Variants in ZNF770 observed in about 807,000 individuals in gnomAD.
ZNF770 encodes zinc finger protein 770.
Under a neutral mutation model 44.8 loss-of-function variants are expected in ZNF770, and 13 were observed. The ratio of observed to expected loss-of-function variants is 0.29; its 90% CI spans 0.19 to 0.46. The LOEUF is 0.46. ZNF770 is among the 20% of genes least tolerant of loss of function. The pLI, the probability that ZNF770 is intolerant of heterozygous loss-of-function variation, is 1.00. For synonymous variants in ZNF770, 304 were observed against 271.8 expected (o/e 1.12, Z -1.17); for missense variants, 681 against 797.9 (o/e 0.85, Z 1.77).
At position 34,978,476 on chromosome 15, in the gene ZNF770, A is replaced by G. The variant is rs1391838120; in HGVS notation, c.*2883T>C. On this transcript the variant is annotated 3_prime_UTR_variant, in exon 3 of 3. Coordinates refer to ENST00000356321, the MANE Select transcript of ZNF770 (RefSeq NM_014106.4). Reference sequence around the variant, plus strand: ...CTATTGCAGTACAAAACAAGAAACAATAATTCTAAGTTAGCCAGCCAATCA... The same window carrying G: ...CTATTGCAGTACAAAACAAGAAACAGTAATTCTAAGTTAGCCAGCCAATCA... 1 of 152,190 alleles carries G rather than the reference A, an allele frequency of 6.6e-6. No individual in the cohort carries two copies. The highest frequency in any genetic ancestry group is 2.4e-5 in the African/African-American group (1 of 41,440). The allele number at this position is 152,190 out of a possible 1,614,324, so 9.4% of individuals were successfully genotyped here. A position where few individuals can be genotyped will look rare whatever the true frequency, so the allele number is the denominator to read the frequency against.
chr15:34,986,890 G>A (rs2050438251), intron 2 of ZNF770, among the ~76,000 whole-genome samples: 2 of 152,220 alleles, frequency 1.3e-5, no homozygotes, highest in Non-Finnish European at 2.9e-5. Context: ...CTAGCAGGAG[G>A]GGCAGGGCAA....
rs201667487 is a variant in ZNF770, at chr15:34,983,484, C to A, written c.-50G>T. Reference sequence around the variant, plus strand: ...AGCTCCATACTGTTCTTAAATTCCACAGATGTCTAAAAATTAAAGGAAAAA... The same window carrying A: ...AGCTCCATACTGTTCTTAAATTCCAAAGATGTCTAAAAATTAAAGGAAAAA... On this transcript the variant is annotated 5_prime_UTR_variant, in exon 3 of 3. Coordinates refer to ENST00000356321, the MANE Select transcript of ZNF770 (RefSeq NM_014106.4). The A allele has an allele frequency of 9.1e-6, 12 of 1,322,694 alleles. No homozygotes were observed. The East Asian group carries it at 2.4e-4, about 27-fold the overall frequency. The allele number at this position is 1,322,694 out of a possible 1,614,324, so 81.9% of individuals were successfully genotyped here.
Position 34,986,338 on chromosome 15 carries a change from T to C in ZNF770, c.-57+1219A>G, listed in dbSNP as rs993411698. Among the ~76,000 whole-genome samples, 5 of 152,206 alleles carry C rather than the reference T, an allele frequency of 3.3e-5. 1 individual carries two copies. Among genetic ancestry groups the C allele is most frequent in the Admixed American group, 2.6e-4 (4 of 15,284 alleles). On this transcript the variant is annotated intron_variant, in intron 2 of 2. Coordinates refer to ENST00000356321, the MANE Select transcript of ZNF770 (RefSeq NM_014106.4). ...ATATATCATATAACCCAGATATCAA[T>C]GTTAACCAACAATCAACTCTTGGTG...
chr15:34,986,966 G>A (rs2050438919), intron 2 of ZNF770, among the ~76,000 whole-genome samples: 1 of 152,252 alleles, frequency 6.6e-6, no homozygotes. Context: ...TGGTGTGGGA[G>A]GACAGCTTGG....
In ZNF770 at chr15:34,988,152, G is replaced by C. The variant is rs1039954331; in HGVS notation, c.-210C>G. On this transcript the variant is annotated 5_prime_UTR_variant, in exon 1 of 3. Coordinates refer to ENST00000356321, the MANE Select transcript of ZNF770 (RefSeq NM_014106.4). ...TGAGGCAGGTCCGACCCTCCCTGGGGGTCGCTCCACTTCTCAGTCGGGTTT... is the reference window on the plus strand; with the variant it reads ...TGAGGCAGGTCCGACCCTCCCTGGGCGTCGCTCCACTTCTCAGTCGGGTTT... The C allele has an allele frequency of 6.6e-6, 1 of 152,258 alleles. No individual in the cohort carries two copies. Among genetic ancestry groups the C allele is most frequent in the Non-Finnish European group, 1.5e-5 (1 of 68,064 alleles). 9.4% of individuals were successfully genotyped at this position (152,258 alleles called of 1,614,324 possible).
chr15:34,986,395 A>C (rs552502806), intron 2 of ZNF770, among the ~76,000 whole-genome samples: 1 of 152,336 alleles, frequency 6.6e-6, no homozygotes, highest in Non-Finnish European at 1.5e-5. Context: ...AGCTTGAATT[A>C]GAGAAATTAG....
At position 34,981,130 on chromosome 15, in the gene ZNF770, T is replaced by C. The variant is rs2050398862; in HGVS notation, c.*229A>G. ...AAAGTATATGTTTACAATATTAAAA[T>C]GCCTACTTTATAGCATCAAATCATG... On this transcript the variant is annotated 3_prime_UTR_variant, in exon 3 of 3. Transcript: ENST00000356321. 1 of 506,822 alleles carries C rather than the reference T, an allele frequency of 2.0e-6. No individual in the cohort carries two copies. The highest frequency in any genetic ancestry group is 3.3e-5 in the East Asian group (1 of 30,384). The allele number at this position is 506,822 out of a possible 1,614,324, so 31.4% of individuals were successfully genotyped here.
In ZNF770 at chr15:34,982,245, G is replaced by A; in HGVS notation, c.1190C>T (p.Thr397Ile). Reference protein sequence around the residue: ...GSLGKHGTYKTIGNRKKKTLT... With the variant: ...GSLGKHGTYKIIGNRKKKTLT... Reference sequence around the variant, plus strand: ...TGTTTTCTTCTTTCTATTGCCAATTGTTTTATATGTTCCATGTTTGCCAAG... The same window carrying A: ...TGTTTTCTTCTTTCTATTGCCAATTATTTTATATGTTCCATGTTTGCCAAG... Residue 397 changes from threonine to isoleucine, a missense_variant, in exon 3 of 3, where the codon ACA (threonine) becomes ATA (isoleucine). By Grantham distance (89) the Thr-to-Ile change is moderately conservative. Transcript: ENST00000356321. 6.2e-7 allele frequency: 1 copy of A among 1,613,820 alleles called. No homozygotes were observed. Among genetic ancestry groups the A allele is most frequent in the Non-Finnish European group, 8.5e-7 (1 of 1,179,946 alleles).
chr15:34,982,791 G>C lies in ZNF770; in HGVS notation c.644C>G (p.Pro215Arg), dbSNP rs143676567. Residue 215 changes from proline (P) to arginine (R), a missense_variant, in exon 3 of 3, where the codon CCT becomes CGT. Coordinates refer to ENST00000356321, the MANE Select transcript of ZNF770 (RefSeq NM_014106.4). Reference protein sequence around the residue: ...IHQLTHSEERPFQCCFCQKGF... With the variant: ...IHQLTHSEERRFQCCFCQKGF... ...TTTTTGACAAAAACAACATTGAAAA[G>C]GTCTTTCTTCTGAATGTGTAAGTTG... is the stretch of plus-strand genomic sequence containing the variant. 2.0e-5 allele frequency: 32 copies of C among 1,613,732 alleles called. No homozygotes were observed. The African/African-American group carries it at 3.2e-4, about 16-fold the overall frequency.
In ZNF770 at chr15:34,981,171, T is replaced by G; in HGVS notation, c.*188A>C. The G allele has an allele frequency of 3.3e-6, 2 of 597,476 alleles. No homozygotes were observed. The highest frequency in any genetic ancestry group is 5.6e-6 in the Non-Finnish European group (2 of 354,264). 37.0% of individuals were successfully genotyped at this position (597,476 alleles called of 1,614,324 possible). On this transcript the variant is annotated 3_prime_UTR_variant, in exon 3 of 3. Coordinates refer to ENST00000356321, the MANE Select transcript of ZNF770 (RefSeq NM_014106.4). ...TCAAATCATGTTCTTGCCTCTAAAA[T>G]TAACTTGGCTGTTTCTAAAACATTG...
At position 34,982,276 on chromosome 15, in the gene ZNF770, C is replaced by G. The variant is rs1291973990; in HGVS notation, c.1159G>C (p.Gly387Arg). 1 of 1,613,820 alleles carries G rather than the reference C, an allele frequency of 6.2e-7. No individual in the cohort carries two copies. Residue 387 changes from glycine (G) to arginine (R), a missense_variant, in exon 3 of 3, where the codon GGT becomes CGT. Coordinates refer to ENST00000356321, the MANE Select transcript of ZNF770 (RefSeq NM_014106.4). ...TATGTTCCATGTTTGCCAAGAGAAC[C>G]CACAAATGTTCTCTGGGTTTGTTCA... Reference protein sequence around the residue: ...SSEQTQRTFVGSLGKHGTYKT... With the variant: ...SSEQTQRTFVRSLGKHGTYKT...
chr15:34,981,264 T>C lies in ZNF770; in HGVS notation c.*95A>G. 3.9e-6 allele frequency: 5 copies of C among 1,269,850 alleles called. No individual in the cohort carries two copies. The highest frequency in any genetic ancestry group is 5.0e-5 in the East Asian group (2 of 39,620). 78.7% of individuals were successfully genotyped at this position (1,269,850 alleles called of 1,614,324 possible). A position where few individuals can be genotyped will look rare whatever the true frequency, so the allele number is the denominator to read the frequency against. ...AGCAAATGCCTGTGAAACCATTCAG[T>C]TTAATGCAGGCCTTTCAATAAAAAT... is the stretch of plus-strand genomic sequence containing the variant. On this transcript the variant is annotated 3_prime_UTR_variant, in exon 3 of 3. Coordinates refer to ENST00000356321, the MANE Select transcript of ZNF770 (RefSeq NM_014106.4).
intron 2 of ZNF770, among the ~76,000 whole-genome samples, chr15:34,987,141 C>A (rs2050440062): frequency 6.6e-6 from 1 of 152,278 alleles, no homozygotes; most frequent in Non-Finnish European, 1.5e-5. Context: ...TCACACACCA[C>A]AACTACCTCT....
rs2050389975 is a variant in ZNF770, at chr15:34,979,928, C to T, written c.*1431G>A. The T allele has an allele frequency of 3.8e-6, 1 of 266,432 alleles. No homozygotes were observed. Among genetic ancestry groups the T allele is most frequent in the South Asian group, 3.3e-5 (1 of 30,418 alleles). The allele number at this position is 266,432 out of a possible 1,614,324, so 16.5% of individuals were successfully genotyped here. On this transcript the variant is annotated 3_prime_UTR_variant, in exon 3 of 3. Coordinates refer to ENST00000356321, the MANE Select transcript of ZNF770 (RefSeq NM_014106.4). Reference sequence around the variant, plus strand: ...AAGTCCTTTGTAGTAAAGAATATTTCCCAAATCATAACAGTTCTATTTGGA... The same window carrying T: ...AAGTCCTTTGTAGTAAAGAATATTTTCCAAATCATAACAGTTCTATTTGGA...
In ZNF770 at chr15:34,981,282, A is replaced by T; in HGVS notation, c.*77T>A. 7.1e-7 allele frequency: 1 copy of T among 1,416,164 alleles called. No individual in the cohort carries two copies. The highest frequency in any genetic ancestry group is 9.3e-7 in the Non-Finnish European group (1 of 1,074,382). 87.7% of individuals were successfully genotyped at this position (1,416,164 alleles called of 1,614,324 possible). On this transcript the variant is annotated 3_prime_UTR_variant, in exon 3 of 3. Transcript: ENST00000356321. ...CATTCAGTTTAATGCAGGCCTTTCA[A>T]TAAAAATGCATTTTAAATAATACAG...
In ZNF770 at chr15:34,982,341, A is replaced by C; in HGVS notation, c.1094T>G (p.Phe365Cys). The C allele has an allele frequency of 3.7e-6, 6 of 1,608,458 alleles. No individual in the cohort carries two copies. The highest frequency in any genetic ancestry group is 5.1e-6 in the Non-Finnish European group (6 of 1,178,564). Residue 365 changes from phenylalanine (F) to cysteine (C), a missense_variant, in exon 3 of 3, where the codon TTC becomes TGC. Physicochemically the swap from Phe to Cys is radical, Grantham distance 205 (BLOSUM62 -2). This residue lies in a region of ZNF770 where 432 missense variants were observed against 434.1 expected (regional missense o/e 1.00). Transcript: ENST00000356321. ...QSEKKVFKKS[F>C]LRNCDLISGE... ...AGAAATAAGATCACAATTTCTCAAG[A>C]AACTCTTTTTAAATACTTTTTTCTC...
At chr15:34,987,431 CTG>C (rs1187521205) in intron 2 of ZNF770, 124 bp downstream of exon 2, 1 of 151,348 alleles carries the variant, frequency 6.6e-6, no homozygotes, top group Non-Finnish European at 1.5e-5. Flanking sequence ...ATAAAAAAGA[CTG>C]TAATTTTTCT....
In ZNF770 at chr15:34,982,699, C is replaced by T. The variant is rs1360050070; in HGVS notation, c.736G>A (p.Ala246Thr). ...GTACGCCTCTTCTTTAATAAAAGAG[C>T]CCGAAAAGCCTTATTCCTAGTATGG... ...QIHTRNKAFRALLLKKRRTES... is the reference protein window; with the variant it reads ...QIHTRNKAFRTLLLKKRRTES... Residue 246 changes from alanine to threonine, a missense_variant, in exon 3 of 3, where the codon GCT becomes ACT. Around this residue, in one of 5 missense-constraint regions of ZNF770, gnomAD observed 432 missense variants for 434.1 expected, o/e 1.00. Coordinates refer to ENST00000356321, the MANE Select transcript of ZNF770 (RefSeq NM_014106.4). 1.2e-6 allele frequency: 2 copies of T among 1,612,720 alleles called. No individual in the cohort carries two copies. Among genetic ancestry groups the T allele is most frequent in the Non-Finnish European group, 1.7e-6 (2 of 1,179,884 alleles).
Position 34,982,855 on chromosome 15 carries a change from TAC to T in ZNF770, c.578_579del (p.Cys193TyrfsTer2). On this transcript the variant is annotated frameshift_variant, in exon 3 of 3. Transcript: ENST00000356321. LOFTEE classifies it high-confidence loss of function. ...TGAGTTGACTGTCGAAAAGATTTAG[TAC>T]ACAAGACACATTTAAAAGGCCTCTG... The part of the protein sequence containing the change: ...TGQRPFKCVL[C>X]TKSFRQSTHL... 6.2e-7 allele frequency: 1 copy of T among 1,613,898 alleles called. No homozygotes were observed. The highest frequency in any genetic ancestry group is 8.5e-7 in the Non-Finnish European group (1 of 1,179,950).
Sources: allele counts gnomAD v4.1 joint callset (sites outside exome capture counted in the v4.1 genomes callset), GRCh38; gene constraint gnomAD v4.1.1; regional missense constraint gnomAD v4.1.1; transcripts MANE v1.5; gene names NCBI Gene and HGNC (gene_info 2026-07-23, HGNC 2026-07-21).